Variants in TAF3 observed in about 807,000 individuals in gnomAD.
The protein encoded by TAF3 is transcription initiation factor TFIID subunit 3.
In TAF3, 7 loss-of-function variants were observed where a neutral mutation model predicts 80.6. That is an observed-to-expected ratio of 0.09 (90% CI 0.05 to 0.16). The LOEUF (loss-of-function observed/expected upper bound fraction) is 0.16. Ranked by LOEUF, TAF3 falls within the 10% of genes least tolerant of loss-of-function variation. TAF3 has a pLI of 1.00. For synonymous variants in TAF3, 444 were observed against 446.1 expected (o/e 1.00, Z 0.06); for missense variants, 921 against 1,140.2 (o/e 0.81, Z 2.77).
chr10:7,993,297 G>A (rs1831851598), intron 4 of TAF3, among the ~76,000 whole-genome samples: 1 of 152,136 alleles, frequency 6.6e-6, no homozygotes, highest in African/African-American at 2.4e-5. Flanking sequence ...TCCCACCTCA[G>A]CCTCCCAAGT....
intron 2 of TAF3, among the ~76,000 whole-genome samples, chr10:7,896,105 A>C (rs1157727575): frequency 1.3e-5 from 2 of 152,200 alleles, no homozygotes; most frequent in Non-Finnish European, 2.9e-5. Flanking sequence ...TGCTGCTGAT[A>C]GGTCCCTGGG....
rs1376278865 is a variant in TAF3 at position 7,964,814 on chromosome 10, A to G, written c.1304A>G (p.Lys435Arg). 1.2e-6 allele frequency: 2 copies of G among 1,614,022 alleles called. No individual in the cohort carries two copies. The highest frequency in any genetic ancestry group is 1.3e-5 in the African/African-American group (1 of 74,894). ...RISGPECTTP[K>R]ASTSANNFTK... is the part of the protein sequence containing the mutation. The stretch of plus-strand genomic sequence containing the variant: ...TCAGGCCCGGAGTGTACTACTCCCA[A>G]AGCTTCCACTTCCGCGAACAATTTC... The change falls in exon 3 of 7, where the codon AAA (lysine) becomes AGA (arginine). Residue 435 changes from lysine (K) to arginine (R), a missense_variant. Physicochemically the swap from Lys to Arg is conservative, Grantham distance 26. Around this residue, in one of 6 missense-constraint regions of TAF3, gnomAD observed 743 missense variants for 821.0 expected, o/e 0.90. Transcript: ENST00000344293. The surrounding 1 kb of genome is among the most constrained non-coding windows in gnomAD (Gnocchi z 4.1).
intron 3 of TAF3, among the ~76,000 whole-genome samples, chr10:7,966,022 TA>T (rs141336740): frequency 6.6e-6 from 1 of 151,832 alleles, no homozygotes; most frequent in Admixed American, 6.6e-5. Context: ...TCTGGCAGCT[TA>T]AAAAAAACAA....
chr10:7,977,385 C>T (rs1436190487), intron 4 of TAF3, 62 bp downstream of exon 4: 1 of 1,513,682 alleles, frequency 6.6e-7, no homozygotes, highest in African/African-American at 1.4e-5. Flanking sequence ...CTACTCTTTC[C>T]TAAGGGACTT....
intron 2 of TAF3, among the ~76,000 whole-genome samples, chr10:7,870,457 C>T (rs999618722): frequency 6.6e-6 from 1 of 152,138 alleles, no homozygotes; most frequent in African/African-American, 2.4e-5. Context: ...AATTTATTTA[C>T]GTGAGTGTTG....
Position 7,818,507 on chromosome 10 carries a change from C to T in TAF3, c.-203C>T, listed in dbSNP as rs1336281295. On this transcript the variant is annotated 5_prime_UTR_variant, in exon 1 of 7. Transcript: ENST00000344293. ...CTGCCTCGCCCCGGCGGCCGTCCAG[C>T]GGGAGGCGGAGCGAGTCCAAAATGG... is the stretch of plus-strand genomic sequence containing the variant. 1 of 500,026 alleles carries T rather than the reference C, an allele frequency of 2.0e-6. No homozygotes were observed. The highest frequency in any genetic ancestry group is 3.5e-5 in the East Asian group (1 of 28,714). The allele number at this position is 500,026 out of a possible 1,614,324, so 31.0% of individuals were successfully genotyped here.
rs1424692012 is a variant in TAF3 at position 7,954,699 on chromosome 10, C to T, written c.410-9221C>T. On this transcript the variant is annotated intron_variant, in intron 2 of 6. Transcript: ENST00000344293. ...TTAGTCCTAGTTAACACAGAGCTCT[C>T]CCTAGTGAGATTCAGAGTGCACTCC... Among the ~76,000 whole-genome samples, 20 of 138,414 alleles carry T rather than the reference C, an allele frequency of 1.4e-4. 2 individuals carry two copies. Among genetic ancestry groups the T allele is most frequent in the East Asian group, 2.4e-4 (1 of 4,108 alleles). 90.8% of individuals were successfully genotyped at this position (138,414 alleles called of 152,430 possible).
chr10:8,013,721 C>T lies in TAF3; in HGVS notation c.2569-10C>T. 1 of 1,612,248 alleles carries T rather than the reference C, an allele frequency of 6.2e-7. No individual in the cohort carries two copies. Among genetic ancestry groups the T allele is most frequent in the Non-Finnish European group, 8.5e-7 (1 of 1,178,914 alleles). Reference sequence around the variant, plus strand: ...CTCCATTTTTGCCGCTTCCGCTTTGCAAACATCAGATCCGAGATGAGTGGG... The same window carrying T: ...CTCCATTTTTGCCGCTTCCGCTTTGTAAACATCAGATCCGAGATGAGTGGG... On this transcript the variant is annotated splice_polypyrimidine_tract_variant and intron_variant, in intron 5 of 6. Coordinates refer to ENST00000344293, the MANE Select transcript of TAF3 (RefSeq NM_031923.4).
rs1395982094 is a variant in TAF3, at chr10:7,976,350, G to A, written c.2233-891G>A. ...CAACCTCCACCTCCTGAGTTCAAGC[G>A]ATTCTCCTGCCTCAGCCTCTTGAGT... On this transcript the variant is annotated intron_variant, in intron 3 of 6. Coordinates refer to ENST00000344293, the MANE Select transcript of TAF3 (RefSeq NM_031923.4). Among the ~76,000 whole-genome samples the A allele has an allele frequency of 3.3e-5, 5 of 150,630 alleles. 1 individual carries two copies. Among genetic ancestry groups the A allele is most frequent in the South Asian group, 2.1e-4 (1 of 4,766 alleles).
intron 2 of TAF3, among the ~76,000 whole-genome samples, chr10:7,904,289 T>C (rs1418412078): frequency 6.6e-6 from 1 of 152,214 alleles, no homozygotes; most frequent in East Asian, 1.9e-4. Flanking sequence ...GTTGCTTCTC[T>C]GATGAGCCCT....
chr10:7,885,821 A>G (rs901011469), intron 2 of TAF3, among the ~76,000 whole-genome samples: 2 of 152,160 alleles, frequency 1.3e-5, no homozygotes, highest in African/African-American at 2.4e-5. Flanking sequence ...GAGCTGACCC[A>G]TCACTCTTTG....
chr10:7,997,536 A>C (rs1318455318), intron 4 of TAF3, among the ~76,000 whole-genome samples: 3 of 152,152 alleles, frequency 2.0e-5, no homozygotes, highest in Non-Finnish European at 4.4e-5. Context: ...CATTCTATTT[A>C]TGTCACTGGT....
chr10:7,869,388 A>G (rs1266936704), intron 2 of TAF3, among the ~76,000 whole-genome samples: 2 of 152,176 alleles, frequency 1.3e-5, no homozygotes, highest in African/African-American at 4.8e-5. Flanking sequence ...ATCACACCAT[A>G]TATTCTGTGC....
chr10:7,856,429 G>T (rs1468528672), intron 2 of TAF3, among the ~76,000 whole-genome samples: 1 of 152,166 alleles, frequency 6.6e-6, no homozygotes, highest in Admixed American at 6.5e-5. Flanking sequence ...GCAGTGAGCC[G>T]AGATCATGCC....
At chr10:7,903,063 A>G (rs1837574306) in intron 2 of TAF3, among the ~76,000 whole-genome samples, 1 of 152,130 alleles carries the variant, frequency 6.6e-6, no homozygotes, top group East Asian at 1.9e-4. Context: ...TCTTAAAAGA[A>G]AAGAAAAAGT....
intron 2 of TAF3, among the ~76,000 whole-genome samples, chr10:7,892,818 CTTT>C (rs1020623158): frequency 7.3e-6 from 1 of 137,144 alleles, no homozygotes; most frequent in African/African-American, 2.7e-5. Context: ...TTTTCTTTTT[CTTT>C]TTTTTTTTTT....
In TAF3 at chr10:8,015,727, G is replaced by A. The variant is rs2131445082; in HGVS notation, c.*976G>A. The A allele has an allele frequency of 6.6e-6, 1 of 152,238 alleles. No individual in the cohort carries two copies. The allele number at this position is 152,238 out of a possible 1,614,324, so 9.4% of individuals were successfully genotyped here. A position where few individuals can be genotyped will look rare whatever the true frequency, so the allele number is the denominator to read the frequency against. On this transcript the variant is annotated 3_prime_UTR_variant, in exon 7 of 7. Transcript: ENST00000344293. The stretch of plus-strand genomic sequence containing the variant: ...ACATGGTGGGGAAAGGGCCCGAGCA[G>A]TTGGAAGGAAAACAAGGCAATTTAA...
chr10:8,003,303 C>T (rs376948243), intron 4 of TAF3, among the ~76,000 whole-genome samples: 1 of 150,866 alleles, frequency 6.6e-6, no homozygotes, highest in African/African-American at 2.4e-5. Context: ...GTGTGGTTAC[C>T]CTAGAAATTA....
intron 2 of TAF3, among the ~76,000 whole-genome samples, chr10:7,860,595 G>C (rs991348584): frequency 3.3e-5 from 5 of 152,146 alleles, no homozygotes; most frequent in Non-Finnish European, 7.3e-5. Flanking sequence ...AAAGATAAAT[G>C]CTTGATTTCT....
Sources: gnomAD v4.1 joint callset for allele counts (sites outside exome capture counted in the v4.1 genomes callset) on GRCh38, gnomAD v4.1.1 for gene constraint, gnomAD v4.1.1 regional missense constraint, Gnocchi (gnomAD v3.1) non-coding constraint, MANE v1.5 for transcripts, NCBI Gene and HGNC (gene_info 2026-07-23, HGNC 2026-07-21) for gene names.